MTCL1: variants seen among roughly 807,000 people sequenced by gnomAD.
The protein encoded by MTCL1 is microtubule crosslinking factor 1.
MTCL1 carries 79 observed loss-of-function variants against 141.4 expected under a neutral mutation model. That is an observed-to-expected ratio of 0.56 (90% CI 0.47 to 0.67). MTCL1 has a LOEUF of 0.67. Ranked by LOEUF, MTCL1 falls within the 30% of genes least tolerant of loss-of-function variation. MTCL1 has a pLI of 0.00. For synonymous variants in MTCL1, 914 were observed against 875.8 expected, an observed-to-expected ratio of 1.04 and a Z score of -0.77; for missense variants, 2,177 against 2,113.9, an observed-to-expected ratio of 1.03 and a Z score of -0.59.
chr18:8,711,737 G>A (rs745979808), intron 1 of MTCL1, among the ~76,000 whole-genome samples: 1 of 151,338 alleles, frequency 6.6e-6, no homozygotes, highest in Non-Finnish European at 1.5e-5. Context: ...TGATGGGGTT[G>A]TTTGTTTTTT....
At chr18:8,831,467 A>T in intron 16 of MTCL1, 140 bp from the exon 15 acceptor site, 1 of 1,445,060 alleles carries the variant, frequency 6.9e-7, no homozygotes, top group Non-Finnish European at 9.1e-7. Flanking sequence ...GCATGAGCAT[A>T]GAAAGTAGTT....
chr18:8,774,522 C>G (rs549660723), intron 4 of MTCL1, among the ~76,000 whole-genome samples: 185 of 152,006 alleles, frequency 1.2e-3, no homozygotes, highest in African/African-American at 4.2e-3. Context: ...TCTCCTTACT[C>G]TGTTGCCCAG....
At chr18:8,817,191 G>A (rs540637468) in intron 12 of MTCL1, among the ~76,000 whole-genome samples, 1 of 149,702 alleles carries the variant, frequency 6.7e-6, no homozygotes, top group East Asian at 2.0e-4. Flanking sequence ...GCTTAGAGAT[G>A]ATCATGTGTT....
At chr18:8,734,706 C>T (rs569689477) in intron 4 of MTCL1, among the ~76,000 whole-genome samples, 95 of 152,274 alleles carry the variant, frequency 6.2e-4, no homozygotes, top group African/African-American at 2.2e-3. Context: ...TTGTACAGTG[C>T]GTGCCTGGGA....
rs8090924 is a variant in MTCL1 at position 8,809,627 on chromosome 18, A to G, written c.2604+2567A>G. 3,370 of 1,528,324 alleles carry G rather than the reference A, an allele frequency of 2.2e-3. 54 individuals carry two copies. In the African/African-American group the frequency reaches 0.039, roughly 18 times the overall value. The allele number at this position is 1,528,324 out of a possible 1,614,324, so 94.7% of individuals were successfully genotyped here. ...AAGGAGTGGAGGGCACACACCTGAAAAAAACGGAGCAAGTAGAGAGTGGCC... is the reference window on the plus strand; with the variant it reads ...AAGGAGTGGAGGGCACACACCTGAAGAAAACGGAGCAAGTAGAGAGTGGCC... On this transcript the variant is annotated intron_variant, in intron 11 of 16. Coordinates refer to ENST00000359865, the Ensembl canonical transcript of MTCL1.
At chr18:8,739,416 G>A (rs115731284) in intron 4 of MTCL1, among the ~76,000 whole-genome samples, 241 of 152,320 alleles carry the variant, frequency 1.6e-3, no homozygotes, top group African/African-American at 5.6e-3. Context: ...TTTTCTGCTA[G>A]AATATGAATG....
At chr18:8,789,273 T>C in intron 7 of MTCL1, 2 of 264,460 alleles carry the variant, frequency 7.6e-6, no homozygotes, top group Non-Finnish European at 1.2e-5. Flanking sequence ...TTTGCACTCA[T>C]GTGTTGGCCT....
chr18:8,780,786 T>C (rs935895070), intron 5 of MTCL1, among the ~76,000 whole-genome samples: 2 of 152,246 alleles, frequency 1.3e-5, no homozygotes, highest in African/African-American at 2.4e-5. Context: ...TGCTGTACTT[T>C]TGAAAGTTCT....
intron 4 of MTCL1, among the ~76,000 whole-genome samples, chr18:8,722,017 A>AG: frequency 6.6e-6 from 1 of 152,316 alleles, no homozygotes; most frequent in South Asian, 2.1e-4. Context: ...CTTTCATCAC[A>AG]GGTAACCCTC....
At chr18:8,762,857 A>C (rs1402518575) in intron 4 of MTCL1, among the ~76,000 whole-genome samples, 2 of 152,098 alleles carry the variant, frequency 1.3e-5, no homozygotes, top group Non-Finnish European at 2.9e-5. Context: ...GAGCACGGGG[A>C]AAGGGGCGAG....
intron 16 of MTCL1, chr18:8,829,041 A>G: frequency 1.2e-6 from 2 of 1,611,044 alleles, no homozygotes; most frequent in Non-Finnish European, 1.7e-6. Context: ...CCTGACGCTC[A>G]TCACCTGAGG....
At chr18:8,753,911 C>A (rs374177736) in intron 4 of MTCL1, among the ~76,000 whole-genome samples, 94 of 152,228 alleles carry the variant, frequency 6.2e-4, no homozygotes, top group African/African-American at 2.1e-3. Flanking sequence ...AGGACTGTTA[C>A]AATTTGTGAC....
At chr18:8,741,070 G>A (rs1425088859) in intron 4 of MTCL1, among the ~76,000 whole-genome samples, 1 of 152,198 alleles carries the variant, frequency 6.6e-6, no homozygotes. Context: ...AATGGTGAAG[G>A]GACATGGCCA....
chr18:8,756,539 A>ATG (rs1222085561), intron 4 of MTCL1, among the ~76,000 whole-genome samples: 1 of 145,376 alleles, frequency 6.9e-6, no homozygotes, highest in Non-Finnish European at 1.5e-5. Flanking sequence ...GTGTGTATAT[A>ATG]TGTGTATATA....
At chr18:8,783,269 T>C (rs2096538782) in intron 5 of MTCL1, among the ~76,000 whole-genome samples, 2 of 151,772 alleles carry the variant, frequency 1.3e-5, no homozygotes, top group African/African-American at 4.8e-5. Flanking sequence ...CTTTTTTTTT[T>C]CCAAACTAAT....
chr18:8,824,909 C>G (rs138485784), exon 15 of MTCL1: 2 of 1,613,748 alleles, frequency 1.2e-6, no homozygotes, highest in African/African-American at 2.7e-5. Flanking sequence ...ACCTTTGGGC[C>G]GACAGGACCG....
intron 4 of MTCL1, among the ~76,000 whole-genome samples, chr18:8,735,239 T>A (rs529962267): frequency 1.3e-5 from 2 of 152,254 alleles, no homozygotes; most frequent in African/African-American, 4.8e-5. Flanking sequence ...AAGGTGGCCT[T>A]TGTCTATGGT....
chr18:8,788,467 CTG>C (rs1299033618), intron 7 of MTCL1, among the ~76,000 whole-genome samples: 3 of 152,316 alleles, frequency 2.0e-5, no homozygotes, highest in Admixed American at 6.5e-5. Context: ...CAAAATGCCT[CTG>C]TGTCTTCTGC....
At chr18:8,718,961 T>A (rs949105276) in intron 3 of MTCL1, among the ~76,000 whole-genome samples, 11 of 152,198 alleles carry the variant, frequency 7.2e-5, no homozygotes, top group Admixed American at 1.3e-4. Context: ...AATATTTTTT[T>A]TAAAAATCTA....
Sources: gnomAD v4.1 joint callset for allele counts (sites outside exome capture counted in the v4.1 genomes callset) on GRCh38, gnomAD v4.1.1 for gene constraint, MANE v1.5 for transcripts, NCBI Gene and HGNC (gene_info 2026-07-23, HGNC 2026-07-21) for gene names.